Variants in GDA observed in about 807,000 individuals in gnomAD.
GDA encodes cytoplasmic PSD-95 interactor.
Under a neutral mutation model 59.6 loss-of-function variants are expected in GDA, and 18 were observed. That is an observed-to-expected ratio of 0.30 (90% CI 0.21 to 0.45). GDA has a LOEUF of 0.45. GDA is among the 20% of genes least tolerant of loss of function. GDA has a pLI of 1.00. For missense variants in GDA, 427 were observed against 552.3 expected, an observed-to-expected ratio of 0.77 and a Z score of 2.27; for synonymous variants, 201 against 201.1, an observed-to-expected ratio of 1.00 and a Z score of 0.00.
chr9:72,247,894 A>G (rs1840321616), intron 13 of GDA, among the ~76,000 whole-genome samples: 1 of 152,134 alleles, frequency 6.6e-6, no homozygotes, highest in African/African-American at 2.4e-5. Context: ...GACTGAGTGA[A>G]CTCAAGATGG....
intron 1 of GDA, among the ~76,000 whole-genome samples, chr9:72,138,872 C>A (rs1452192953): frequency 6.6e-6 from 1 of 152,212 alleles, no homozygotes; most frequent in Non-Finnish European, 1.5e-5. Flanking sequence ...GAACTGGTAA[C>A]AGCACATTAA....
rs1355938281 is a variant in GDA at position 72,206,433 on chromosome 9, T to A, written c.384+3691T>A. On this transcript the variant is annotated intron_variant, in intron 3 of 13. Transcript: ENST00000358399. ...AACTTTTAAGTTTAATTTAAAAAAATTATCTCAATTTAATTCCAGTTTTTT... is the reference window on the plus strand; with the variant it reads ...AACTTTTAAGTTTAATTTAAAAAAAATATCTCAATTTAATTCCAGTTTTTT... Among the ~76,000 whole-genome samples, 3 of 152,246 alleles carry A rather than the reference T, an allele frequency of 2.0e-5. No homozygotes were observed. The South Asian group carries it at 6.2e-4, about 32-fold the overall frequency.
intron 7 of GDA, among the ~76,000 whole-genome samples, chr9:72,224,231 G>A (rs1268578415): frequency 6.6e-6 from 1 of 152,154 alleles, no homozygotes; most frequent in African/African-American, 2.4e-5. Flanking sequence ...CTAGAGAGAT[G>A]CATGTGGATG....
At chr9:72,216,785 C>T (rs1323852327) in intron 5 of GDA, among the ~76,000 whole-genome samples, 4 of 151,960 alleles carry the variant, frequency 2.6e-5, no homozygotes, top group Non-Finnish European at 5.9e-5. Context: ...ATGCCATTCT[C>T]CTGCCTCAGC....
chr9:72,202,740 G>A lies in GDA; in HGVS notation c.382G>A (p.Val128Ile). The part of the protein sequence containing the change: ...DFAEEVYTRV[V>I]RRTLKNGTTT... The stretch of plus-strand genomic sequence containing the variant: ...TGCAGAAGAAGTATATACCAGAGTT[G>A]TCGTAAGTATCTTGTGTGTGAGTGT... The change falls in exon 3 of 14, where the codon GTC (valine) becomes ATC (isoleucine). Residue 128 changes from valine (V) to isoleucine (I), a missense_variant and splice_region_variant. By Grantham distance (29) the Val-to-Ile change is conservative (BLOSUM62 3). Transcript: ENST00000358399. 1 of 1,607,982 alleles carries A rather than the reference G, an allele frequency of 6.2e-7. No homozygotes were observed. The highest frequency in any genetic ancestry group is 8.5e-7 in the Non-Finnish European group (1 of 1,176,026).
At chr9:72,232,181 C>T (rs912228321) in intron 10 of GDA, among the ~76,000 whole-genome samples, 7 of 152,072 alleles carry the variant, frequency 4.6e-5, no homozygotes, top group African/African-American at 9.7e-5. Context: ...GGCAGGAGGA[C>T]GTGTTTTCTG....
intron 3 of GDA, among the ~76,000 whole-genome samples, chr9:72,205,110 C>A (rs868436609): frequency 0.017 from 1,482 of 85,504 alleles, no homozygotes; most frequent in South Asian, 0.022. Context: ...GACTCTGTCT[C>A]AAAAAAAAAA....
chr9:72,146,712 G>A (rs905668354), upstream of GDA, among the ~76,000 whole-genome samples: 3 of 152,074 alleles, frequency 2.0e-5, no homozygotes, highest in South Asian at 6.2e-4. Context: ...GGCTGGTCTC[G>A]AACTCCTCAC....
chr9:72,254,625 G>A (rs553357302), downstream of GDA, among the ~76,000 whole-genome samples: 3 of 152,150 alleles, frequency 2.0e-5, no homozygotes, highest in Non-Finnish European at 4.4e-5. Context: ...CTGGAAGATG[G>A]TTATTTGGTC....
chr9:72,183,921 G>A (rs11143155), intron 1 of GDA, among the ~76,000 whole-genome samples: 17 of 151,938 alleles, frequency 1.1e-4, no homozygotes, highest in Admixed American at 6.6e-4. Flanking sequence ...TAAAGTTACC[G>A]TTTTTCCTTC....
At chr9:72,161,615 T>G (rs1417597885) in intron 1 of GDA, among the ~76,000 whole-genome samples, 1 of 152,202 alleles carries the variant, frequency 6.6e-6, no homozygotes, top group Non-Finnish European at 1.5e-5. Flanking sequence ...ATAATGTAGA[T>G]TATAAAGGCC....
intron 7 of GDA, among the ~76,000 whole-genome samples, chr9:72,225,386 A>G (rs1199069924): frequency 6.6e-6 from 1 of 152,162 alleles, no homozygotes; most frequent in African/African-American, 2.4e-5. Context: ...ATTTGAAAAG[A>G]CTTTGTTGGA....
intron 6 of GDA, among the ~76,000 whole-genome samples, chr9:72,220,889 A>G (rs529753947): frequency 3.3e-5 from 5 of 152,180 alleles, no homozygotes; most frequent in Admixed American, 1.3e-4. Flanking sequence ...GGTGTTGGTG[A>G]GCCTGTGGAG....
downstream of GDA, among the ~76,000 whole-genome samples, chr9:72,252,829 T>C (rs2131902266): frequency 6.6e-6 from 1 of 152,240 alleles, no homozygotes; most frequent in Non-Finnish European, 1.5e-5. Context: ...TCTAACTCTG[T>C]GATATGGAGA....
intron 2 of GDA, among the ~76,000 whole-genome samples, chr9:72,197,084 T>C (rs759028819): frequency 1.3e-5 from 2 of 152,194 alleles, no homozygotes; most frequent in Non-Finnish European, 2.9e-5. Context: ...TAGAGGAACA[T>C]TGAACTAGGA....
chr9:72,140,651 T>G (rs192011984), intron 1 of GDA, among the ~76,000 whole-genome samples: 62 of 152,324 alleles, frequency 4.1e-4, no homozygotes, highest in African/African-American at 1.3e-3. Context: ...TATTATGTGT[T>G]CCGGGCCATT....
intron 5 of GDA, among the ~76,000 whole-genome samples, chr9:72,218,033 C>T (rs149978721): frequency 1.3e-5 from 2 of 152,102 alleles, no homozygotes; most frequent in African/African-American, 4.8e-5. Context: ...CATATCTCAG[C>T]CTCCCTAGTA....
At chr9:72,219,999 G>T (rs908681619) in intron 6 of GDA, among the ~76,000 whole-genome samples, 14 of 152,132 alleles carry the variant, frequency 9.2e-5, no homozygotes, top group East Asian at 1.9e-4. Context: ...GTATCATTCA[G>T]AATAGCCAAG....
chr9:72,122,580 T>A (rs368765646), intron 1 of GDA, among the ~76,000 whole-genome samples: 1 of 152,072 alleles, frequency 6.6e-6, no homozygotes, highest in African/African-American at 2.4e-5. Flanking sequence ...TTTGTCTTCC[T>A]CTTGCACTTC....
Sources: allele counts gnomAD v4.1 joint callset (sites outside exome capture counted in the v4.1 genomes callset), GRCh38; gene constraint gnomAD v4.1.1; transcripts MANE v1.5; gene names NCBI Gene and HGNC (gene_info 2026-07-23, HGNC 2026-07-21).